Variants in DRC1 observed in about 807,000 individuals in gnomAD.
DRC1 encodes dynein regulatory complex protein 1.
DRC1 carries 74 observed loss-of-function variants against 98.7 expected under a neutral mutation model. That is an observed-to-expected ratio of 0.75 (90% CI 0.62 to 0.91). The LOEUF (loss-of-function observed/expected upper bound fraction) is 0.91. Ranked by LOEUF, DRC1 falls within the 40% of genes least tolerant of loss-of-function variation. The probability of loss-of-function intolerance (pLI) is 0.00; values close to 1 mark genes in which losing one functional copy is unlikely to be tolerated. For missense variants in DRC1, 875 were observed against 886.0 expected, an observed-to-expected ratio of 0.99 and a Z score of 0.16; for synonymous variants, 336 against 334.1, an observed-to-expected ratio of 1.01 and a Z score of -0.06.
At chr2:26,439,922 A>AATATATATATATATATATATATATATAT (rs60317791) in intron 7 of DRC1, among the ~76,000 whole-genome samples, 1,560 of 42,966 alleles carry the variant, frequency 0.036, 245 homozygotes, top group Middle Eastern at 0.076. Context: ...CTAGTGTGTG[A>AATATATATATATATATATATATATATAT]ATATATATAT....
At chr2:26,432,719 G>A (rs980730805) in intron 7 of DRC1, among the ~76,000 whole-genome samples, 2 of 152,196 alleles carry the variant, frequency 1.3e-5, no homozygotes, top group Non-Finnish European at 2.9e-5. Flanking sequence ...GTGTCAGAGA[G>A]CCAAAGCTAG....
chr2:26,429,742 C>T lies in DRC1; in HGVS notation c.655C>T (p.Arg219Cys), dbSNP rs577516330. Residue 219 changes from arginine (R) to cysteine (C), a missense_variant, in exon 5 of 17, where the codon CGT becomes TGT. Arg to Cys is a radical substitution (Grantham distance 180). Transcript: ENST00000288710. ...GGTGAAGAATGTGATGAAAACCTTT[C>T]GTGAGGAGCTCTATAACATTGAGGT... ...EQVKNVMKTF[R>C]EELYNIEKAF... is the part of the protein sequence containing the mutation. 653 of 1,614,040 alleles carry T rather than the reference C, an allele frequency of 4.0e-4. 9 individuals carry two copies. The South Asian group carries it at 5.7e-3, about 14-fold the overall frequency.
Position 26,418,602 on chromosome 2 carries a change from A to ATT in DRC1, c.244-2686_244-2685insTT, listed in dbSNP as rs1356246899. On this transcript the variant is annotated intron_variant, in intron 2 of 16. Transcript: ENST00000288710. The stretch of plus-strand genomic sequence containing the variant: ...TATATAAATTATATATAATTTATAT[A>ATT]ATATATAAATTATATATAATATAAA... 2.6e-3 allele frequency among the ~76,000 whole-genome samples: 238 copies of ATT among 91,924 alleles called. 2 individuals are homozygous for ATT. The highest frequency in any genetic ancestry group is 3.8e-3 in the Non-Finnish European group (200 of 53,290). 60.3% of individuals were successfully genotyped at this position (91,924 alleles called of 152,430 possible).
At chr2:26,438,501 T>C (rs1427538087) in intron 7 of DRC1, among the ~76,000 whole-genome samples, 3 of 152,216 alleles carry the variant, frequency 2.0e-5, no homozygotes, top group African/African-American at 7.2e-5. Flanking sequence ...GTTCTTCATT[T>C]ACCATCTGTT....
At chr2:26,435,670 G>T (rs1020299195) in intron 7 of DRC1, among the ~76,000 whole-genome samples, 2 of 151,824 alleles carry the variant, frequency 1.3e-5, no homozygotes, top group Admixed American at 6.6e-5. Flanking sequence ...TGTGGTATTT[G>T]GTTTTCTGTT....
rs192237558 is a variant in DRC1, at chr2:26,434,582, C to T, written c.888+2576C>T. On this transcript the variant is annotated intron_variant, in intron 7 of 16. Coordinates refer to ENST00000288710, the MANE Select transcript of DRC1 (RefSeq NM_145038.5). ...AAGTACAGCTCCTGCCCTCAAGGAA[C>T]TTATAATCTATTAAGAAAGCAAGCT... 7.2e-5 allele frequency among the ~76,000 whole-genome samples: 11 copies of T among 152,260 alleles called. No individual in the cohort carries two copies. The East Asian group carries it at 9.6e-4, about 13-fold the overall frequency.
intron 14 of DRC1, among the ~76,000 whole-genome samples, chr2:26,453,969 G>A (rs1664075341): frequency 6.6e-6 from 1 of 152,138 alleles, no homozygotes; most frequent in Non-Finnish European, 1.5e-5. Context: ...TGGAGGTAAG[G>A]GCATTTCAGG....
At chr2:26,405,441 A>T (rs1304777338) in intron 1 of DRC1, among the ~76,000 whole-genome samples, 1 of 152,166 alleles carries the variant, frequency 6.6e-6, no homozygotes, top group African/African-American at 2.4e-5. Context: ...TAAACAAATA[A>T]CATAATTATA....
chr2:26,445,458 G>A (rs1238125990), intron 10 of DRC1, among the ~76,000 whole-genome samples: 2 of 152,118 alleles, frequency 1.3e-5, no homozygotes, highest in African/African-American at 4.8e-5. Context: ...CAAAATAATG[G>A]GTTGGGCCTC....
In DRC1 at chr2:26,430,795, G is replaced by A. The variant is rs151165704; in HGVS notation, c.688G>A (p.Glu230Lys). ...EELYNIEKAF[E>K]VERQELLASN... ...TCCTTCTTGGTCGTAGAAAGCATTT[G>A]AGGTGGAACGCCAAGAGCTACTGGC... is the stretch of plus-strand genomic sequence containing the variant. Residue 230 changes from glutamate (E) to lysine (K), a missense_variant, in exon 6 of 17, where the codon GAG becomes AAG. By Grantham distance (56) the Glu-to-Lys change is moderately conservative (BLOSUM62 1). Coordinates refer to ENST00000288710, the MANE Select transcript of DRC1 (RefSeq NM_145038.5). The A allele has an allele frequency of 3.1e-6, 5 of 1,613,908 alleles. No individual in the cohort carries two copies. In the African/African-American group the frequency reaches 5.3e-5, roughly 17 times the overall value.
chr2:26,430,672 CT>C (rs764156009), intron 5 of DRC1, 113 bp from the exon 6 acceptor site: 44 of 1,125,872 alleles, frequency 3.9e-5, no homozygotes, highest in Non-Finnish European at 6.0e-5. Flanking sequence ...TTGGATTTGA[CT>C]TTTTCTATGT....
At chr2:26,455,596 G>C (rs932480082) in intron 16 of DRC1, among the ~76,000 whole-genome samples, 1 of 152,220 alleles carries the variant, frequency 6.6e-6, no homozygotes, top group African/African-American at 2.4e-5. Context: ...GTGTGAGGTG[G>C]ACAGGGCGGA....
chr2:26,436,257 T>G (rs903274592), intron 7 of DRC1, among the ~76,000 whole-genome samples: 2 of 152,210 alleles, frequency 1.3e-5, no homozygotes, highest in Non-Finnish European at 2.9e-5. Context: ...GTTGGCTGCA[T>G]GTATGCCTTC....
intron 2 of DRC1, among the ~76,000 whole-genome samples, chr2:26,420,603 T>A (rs909199592): frequency 1.6e-4 from 25 of 151,708 alleles, no homozygotes; most frequent in South Asian, 8.3e-4. Context: ...GTGCTTTTTT[T>A]AAAATTTTTT....
chr2:26,406,131 T>C (rs1423872293), intron 1 of DRC1, among the ~76,000 whole-genome samples: 1 of 152,244 alleles, frequency 6.6e-6, no homozygotes, highest in African/African-American at 2.4e-5. Flanking sequence ...TAAAATATGT[T>C]ATATTGAAGC....
chr2:26,451,637 G>A (rs1237793409), intron 13 of DRC1, among the ~76,000 whole-genome samples: 1 of 150,924 alleles, frequency 6.6e-6, no homozygotes, highest in Non-Finnish European at 1.5e-5. Context: ...GCTGCAGTGA[G>A]CCATGATTTC....
rs1203209148 is a variant in DRC1 at position 26,424,411 on chromosome 2, G to A, written c.497G>A (p.Gly166Glu). 1 of 1,613,792 alleles carries A rather than the reference G, an allele frequency of 6.2e-7. No homozygotes were observed. ...MLNTQQLHCA[G>E]LLEDKNKLIS... Reference sequence around the variant, plus strand: ...AATACCCAACAGCTGCACTGTGCTGGACTCTTAGAAGATAAGAATAAACTC... The same window carrying A: ...AATACCCAACAGCTGCACTGTGCTGAACTCTTAGAAGATAAGAATAAACTC... Residue 166 changes from glycine (G) to glutamate (E), a missense_variant, in exon 4 of 17, where the codon GGA (glycine) becomes GAA (glutamate). Coordinates refer to ENST00000288710, the MANE Select transcript of DRC1 (RefSeq NM_145038.5).
At position 26,402,092 on chromosome 2, in the gene DRC1, C is replaced by T; in HGVS notation, c.103C>T (p.Arg35Cys). ...PSVHSDNSQE[R>C]IQARRLRIAA... is the part of the protein sequence containing the mutation. The stretch of plus-strand genomic sequence containing the variant: ...GGTCCACTCCGACAACTCTCAGGAG[C>T]GCATCCAGGCCCGGCGCCTCCGCAT... Residue 35 changes from arginine to cysteine, a missense_variant, in exon 1 of 17, where the codon CGC (arginine) becomes TGC (cysteine). Arg to Cys is a radical substitution (Grantham distance 180, BLOSUM62 -3). Coordinates refer to ENST00000288710, the MANE Select transcript of DRC1 (RefSeq NM_145038.5). 3 of 1,612,684 alleles carry T rather than the reference C, an allele frequency of 1.9e-6. No individual in the cohort carries two copies. The highest frequency in any genetic ancestry group is 2.2e-5 in the South Asian group (2 of 91,036).
chr2:26,407,534 T>C (rs1210026187), intron 1 of DRC1, among the ~76,000 whole-genome samples: 2 of 152,190 alleles, frequency 1.3e-5, no homozygotes, highest in African/African-American at 4.8e-5. Context: ...GACAGGAGAC[T>C]GGACATGTCC....
Sources: gnomAD v4.1 joint callset for allele counts (sites outside exome capture counted in the v4.1 genomes callset) on GRCh38, gnomAD v4.1.1 for gene constraint, MANE v1.5 for transcripts, NCBI Gene and HGNC (gene_info 2026-07-23, HGNC 2026-07-21) for gene names.